The following BLK variants were observed in gnomAD, a reference collection of about 807,000 sequenced individuals.
BLK encodes the protein BLK proto-oncogene, Src family tyrosine kinase.
In BLK, 64 loss-of-function variants were observed where a neutral mutation model predicts 61.8. The observed-to-expected ratio is 1.03, with a 90% confidence interval of 0.85 to 1.27. The LOEUF is 1.27. Ranked by LOEUF, BLK falls within the 50% of genes most tolerant of loss-of-function variation. The probability of loss-of-function intolerance (pLI) is 0.00; values close to 1 mark genes in which losing one functional copy is unlikely to be tolerated. For missense variants in BLK, 853 were observed against 660.5 expected, an observed-to-expected ratio of 1.29 and a Z score of -3.19; for synonymous variants, 351 against 272.0, an observed-to-expected ratio of 1.29 and a Z score of -2.86.
chr8:11,512,080 C>A (rs995298468), intron 1 of BLK, among the ~76,000 whole-genome samples: 1 of 152,162 alleles, frequency 6.6e-6, no homozygotes, highest in Non-Finnish European at 1.5e-5. Flanking sequence ...AGATAAACAA[C>A]CAAACAAACA....
intron 5 of BLK, chr8:11,549,909 C>G (rs1003038881): frequency 2.8e-5 from 15 of 527,772 alleles, no homozygotes; most frequent in Non-Finnish European, 5.2e-5. Flanking sequence ...CAAAGGTCAA[C>G]CAACTAGTGT....
chr8:11,497,726 C>T (rs1798409557), intron 1 of BLK, among the ~76,000 whole-genome samples: 1 of 152,202 alleles, frequency 6.6e-6, no homozygotes, highest in South Asian at 2.1e-4. Context: ...GAATGATCAT[C>T]CCTAATCGTG....
intron 10 of BLK, chr8:11,560,150 G>GGTGA (rs1801426156): frequency 1.2e-5 from 1 of 80,914 alleles, no homozygotes; most frequent in African/African-American, 5.0e-5. Context: ...TGGGTGGGTG[G>GGTGA]GTGGGTGGGT....
intron 1 of BLK, among the ~76,000 whole-genome samples, chr8:11,539,357 G>A (rs1800272398): frequency 6.6e-6 from 1 of 152,068 alleles, no homozygotes; most frequent in Non-Finnish European, 1.5e-5. Flanking sequence ...ATTTTTTTTA[G>A]TAGTTGTATG....
intron 1 of BLK, 98 bp from the exon 2 acceptor site, chr8:11,543,126 T>A: frequency 1.9e-6 from 3 of 1,594,724 alleles, no homozygotes; most frequent in Non-Finnish European, 2.6e-6. Context: ...ACCCCACCTT[T>A]CTAACCAGCC....
intron 1 of BLK, among the ~76,000 whole-genome samples, chr8:11,495,718 C>T (rs181223385): frequency 2.6e-4 from 40 of 152,178 alleles, no homozygotes; most frequent in East Asian, 3.8e-4. Flanking sequence ...ACCCAGAATT[C>T]GCATCCTGTA....
chr8:11,494,884 A>G (rs1798307852), intron 1 of BLK, among the ~76,000 whole-genome samples: 1 of 152,174 alleles, frequency 6.6e-6, no homozygotes, highest in Admixed American at 6.5e-5. Context: ...GGATGTAGAG[A>G]GGGGGTTGAG....
At chr8:11,547,852 G>A (rs1800714503) in intron 3 of BLK, among the ~76,000 whole-genome samples, 180 bp from the exon 4 acceptor site, 1 of 152,082 alleles carries the variant, frequency 6.6e-6, no homozygotes, top group Non-Finnish European at 1.5e-5. Context: ...GATGGGCTCT[G>A]GGGGGCAGCC....
intron 1 of BLK, among the ~76,000 whole-genome samples, chr8:11,534,183 T>C (rs1800016604): frequency 6.6e-6 from 1 of 152,238 alleles, no homozygotes; most frequent in Non-Finnish European, 1.5e-5. Context: ...GAATCATAAC[T>C]GACTCCATTG....
rs779826827 is a variant in BLK, at chr8:11,548,054, G to C, written c.198G>C (p.Leu66=). 4.3e-6 allele frequency: 7 copies of C among 1,614,108 alleles called. No homozygotes were observed. In the East Asian group the frequency reaches 1.6e-4, roughly 36 times the overall value. The change falls in exon 4 of 13, where the codon CTG becomes CTC. Residue 66 remains leucine, a synonymous_variant. Coordinates refer to ENST00000259089, the MANE Select transcript of BLK (RefSeq NM_001715.3). ...LDEDKHFVVA[L]YDYTAMNDRD... ...TAGACAAGCATTTCGTGGTGGCTCT[G>C]TATGACTACACCGCTATGAATGATC... is the stretch of plus-strand genomic sequence containing the variant.
chr8:11,519,796 G>C lies in BLK; in HGVS notation c.-1-23428G>C, dbSNP rs192959505. Among the ~76,000 whole-genome samples, 187 of 152,268 alleles carry C rather than the reference G, an allele frequency of 1.2e-3. 1 individual carries two copies. The highest frequency in any genetic ancestry group is 4.4e-3 in the African/African-American group (181 of 41,550). ...TTGAATCCAGAGCCTCTCACTCCAA[G>C]CACTCCATTTAAACTCTACTGTATG... is the stretch of plus-strand genomic sequence containing the variant. On this transcript the variant is annotated intron_variant, in intron 1 of 12. Transcript: ENST00000259089.
chr8:11,546,704 T>C (rs991935598), intron 3 of BLK, among the ~76,000 whole-genome samples: 5 of 152,182 alleles, frequency 3.3e-5, no homozygotes, highest in Admixed American at 6.5e-5. Flanking sequence ...GCCTCCCAAG[T>C]AGCTGGGATT....
At chr8:11,533,833 A>G (rs112073397) in intron 1 of BLK, among the ~76,000 whole-genome samples, 1 of 152,386 alleles carries the variant, frequency 6.6e-6, no homozygotes, top group Non-Finnish European at 1.5e-5. Flanking sequence ...CTAATATGTA[A>G]GAAATGTTTG....
chr8:11,547,625 C>T (rs1019291040), intron 3 of BLK, among the ~76,000 whole-genome samples: 5 of 152,168 alleles, frequency 3.3e-5, no homozygotes, highest in Admixed American at 3.3e-4. Flanking sequence ...GCAGGCGGGG[C>T]AGAGGAGGAA....
rs73195285 is a variant in BLK at position 11,547,865 on chromosome 8, T to G, written c.176-167T>G. ...AGGATGGGCTCTGGGGGGCAGCCCA[T>G]CCCTGGTGGGGTCACAGGGCTGGGG... On this transcript the variant is annotated intron_variant, in intron 3 of 12. Transcript: ENST00000259089. Among the ~76,000 whole-genome samples the G allele has an allele frequency of 0.12, 17,930 of 151,948 alleles. 1,195 individuals are homozygous for G. The highest frequency in any genetic ancestry group is 0.17 in the South Asian group (828 of 4,808).
intron 8 of BLK, 123 bp downstream of exon 8, chr8:11,555,607 A>C (rs567736573): frequency 1.4e-6 from 2 of 1,455,778 alleles, no homozygotes; most frequent in African/African-American, 2.8e-5. Flanking sequence ...GGGAGCGAGG[A>C]CAGAGGCGAG....
chr8:11,511,559 A>T (rs2618458), intron 1 of BLK, among the ~76,000 whole-genome samples: 8 of 152,160 alleles, frequency 5.3e-5, no homozygotes, highest in Admixed American at 3.3e-4. Flanking sequence ...TTCCTTAAAC[A>T]CAAGTGTGTA....
At chr8:11,535,268 G>GA (rs1299893294) in intron 1 of BLK, among the ~76,000 whole-genome samples, 1 of 98,286 alleles carries the variant, frequency 1.0e-5, no homozygotes, top group East Asian at 3.2e-4. Context: ...AAAGAAGAAA[G>GA]AAAGAAAGAA....
intron 1 of BLK, among the ~76,000 whole-genome samples, chr8:11,507,263 T>C (rs888850928): frequency 3.3e-5 from 5 of 152,164 alleles, no homozygotes; most frequent in African/African-American, 9.7e-5. Context: ...CTAGTTAGAA[T>C]TGGAAGGACG....
Sources: gnomAD v4.1 joint callset for allele counts (sites outside exome capture counted in the v4.1 genomes callset) on GRCh38, gnomAD v4.1.1 for gene constraint, MANE v1.5 for transcripts, NCBI Gene and HGNC (gene_info 2026-07-23, HGNC 2026-07-21) for gene names.